Variants in ATRN observed in about 807,000 individuals in gnomAD.
ATRN encodes attractin-2.
Under a neutral mutation model 178.7 loss-of-function variants are expected in ATRN, and 54 were observed. The observed-to-expected ratio is 0.30, with a 90% CI of 0.24 to 0.38. The LOEUF (loss-of-function observed/expected upper bound fraction) is 0.38. Among genes scored for constraint, ATRN ranks in the 10% least tolerant of loss-of-function variants. The probability of loss-of-function intolerance (pLI) is 1.00; values close to 1 mark genes in which losing one functional copy is unlikely to be tolerated. For missense variants in ATRN, 1,443 were observed against 1,815.1 expected, an observed-to-expected ratio of 0.79 and a Z score of 3.73; for synonymous variants, 636 against 663.0, an observed-to-expected ratio of 0.96 and a Z score of 0.63.
At chr20:3,573,905 T>A (rs1374251391) in intron 12 of ATRN, among the ~76,000 whole-genome samples, 2 of 151,924 alleles carry the variant, frequency 1.3e-5, no homozygotes, top group Non-Finnish European at 2.9e-5. Flanking sequence ...GCTCGGCTAG[T>A]TTTTGTATTT....
At chr20:3,549,385 G>A in intron 6 of ATRN, 47 bp downstream of exon 6, 1 of 1,434,444 alleles carries the variant, frequency 7.0e-7, no homozygotes. Flanking sequence ...TTTTTATTTT[G>A]AAAATTTATA....
chr20:3,524,562 G>A (rs1196122247), intron 1 of ATRN, among the ~76,000 whole-genome samples: 1 of 152,062 alleles, frequency 6.6e-6, no homozygotes, highest in Non-Finnish European at 1.5e-5. Flanking sequence ...GGACCAACAG[G>A]ACCTAATAGA....
intron 1 of ATRN, among the ~76,000 whole-genome samples, chr20:3,509,972 G>A (rs2085102656): frequency 6.6e-6 from 1 of 152,118 alleles, no homozygotes. Context: ...ACAGATATGT[G>A]TGTGTATACA....
chr20:3,565,796 C>CAAAAAAAA (rs10582104), intron 11 of ATRN, among the ~76,000 whole-genome samples: 1 of 100,238 alleles, frequency 1.0e-5, no homozygotes, highest in Non-Finnish European at 2.0e-5. Flanking sequence ...GACTCTGTCT[C>CAAAAAAAA]AAAAAAAAAA....
At chr20:3,481,791 CTTTTTTTTTTT>C (rs780144563) in intron 1 of ATRN, among the ~76,000 whole-genome samples, 3 of 100,496 alleles carry the variant, frequency 3.0e-5, no homozygotes, top group African/African-American at 7.8e-5. Flanking sequence ...GGTGAATTTC[CTTTTTTTTTTT>C]TTTTTTTTTT....
At chr20:3,637,757 G>A (rs1260772823) in intron 26 of ATRN, among the ~76,000 whole-genome samples, 4 of 152,162 alleles carry the variant, frequency 2.6e-5, no homozygotes, top group African/African-American at 2.4e-5. Flanking sequence ...GGGAGGACAC[G>A]GATGCCCAGA....
At chr20:3,641,340 G>A (rs965295928) in intron 27 of ATRN, among the ~76,000 whole-genome samples, 15 of 151,896 alleles carry the variant, frequency 9.9e-5, no homozygotes, top group African/African-American at 9.7e-5. Context: ...CCTGTAATCC[G>A]AGCACTTTGG....
chr20:3,594,724 A>G (rs17782777), intron 20 of ATRN, 152 bp downstream of exon 20: 22,900 of 541,504 alleles, frequency 0.042, 657 homozygotes, highest in Non-Finnish European at 0.052. Context: ...TGCCCATTCT[A>G]TTTCAGACAG....
chr20:3,639,394 C>T (rs1466802306), intron 27 of ATRN, among the ~76,000 whole-genome samples: 2 of 151,708 alleles, frequency 1.3e-5, no homozygotes, highest in African/African-American at 4.8e-5. Context: ...CTGGGATTAC[C>T]GATGTGCGCA....
chr20:3,586,296 CT>C (rs1251172528), intron 18 of ATRN, among the ~76,000 whole-genome samples: 1 of 152,146 alleles, frequency 6.6e-6, no homozygotes, highest in East Asian at 1.9e-4. Flanking sequence ...ATGGATTACC[CT>C]AAAAAAACAT....
rs2146046715 is a variant in ATRN, at chr20:3,471,535, T to C, written c.410+18T>C. Reference sequence around the variant, plus strand: ...CGCTTCAGGTGAGTGGCGGGTGGTGTCGGAGGGTCGGGTCCAACCAGAGGC... The same window carrying C: ...CGCTTCAGGTGAGTGGCGGGTGGTGCCGGAGGGTCGGGTCCAACCAGAGGC... On this transcript the variant is annotated intron_variant, in intron 1 of 28. Transcript: ENST00000262919. 7.3e-7 allele frequency: 1 copy of C among 1,378,390 alleles called. No homozygotes were observed. The highest frequency in any genetic ancestry group is 9.3e-7 in the Non-Finnish European group (1 of 1,073,586). 85.4% of individuals were successfully genotyped at this position (1,378,390 alleles called of 1,614,324 possible).
rs1600041982 is a variant in ATRN, at chr20:3,501,742, T to G, written c.410+30225T>G. On this transcript the variant is annotated intron_variant, in intron 1 of 28. Coordinates refer to ENST00000262919, the MANE Select transcript of ATRN (RefSeq NM_139321.3). ...GGTACAGCTTTTCCCTTGGGGGGACTGGCCGATTTGAGATGTGCGGCTAAG... is the reference window on the plus strand; with the variant it reads ...GGTACAGCTTTTCCCTTGGGGGGACGGGCCGATTTGAGATGTGCGGCTAAG... Among the ~76,000 whole-genome samples, 3 of 152,310 alleles carry G rather than the reference T, an allele frequency of 2.0e-5. No individual in the cohort carries two copies. In the South Asian group the frequency reaches 6.2e-4, roughly 32 times the overall value.
At chr20:3,520,564 G>T (rs1247538160) in intron 1 of ATRN, among the ~76,000 whole-genome samples, 1 of 152,036 alleles carries the variant, frequency 6.6e-6, no homozygotes, top group East Asian at 1.9e-4. Context: ...GTGGGATCTT[G>T]GCTCAGTGTT....
intron 25 of ATRN, 54 bp downstream of exon 25, chr20:3,624,626 A>T: frequency 7.4e-7 from 1 of 1,342,942 alleles, no homozygotes; most frequent in Non-Finnish European, 1.1e-6. Context: ...CACTAGATCC[A>T]TTAATAGAGT....
intron 1 of ATRN, among the ~76,000 whole-genome samples, chr20:3,478,455 C>G (rs147717657): frequency 1.4e-3 from 217 of 152,170 alleles, no homozygotes; most frequent in African/African-American, 4.3e-3. Flanking sequence ...CAAACTAACA[C>G]AGGAACAGAA....
intron 1 of ATRN, chr20:3,490,396 T>G (rs777782752): frequency 3.1e-6 from 3 of 969,208 alleles, no homozygotes; most frequent in Non-Finnish European, 3.4e-6. Context: ...CCCAAAAAGT[T>G]CATTCTGATC....
At chr20:3,599,899 T>G (rs1457930691) in intron 22 of ATRN, among the ~76,000 whole-genome samples, 2 of 152,230 alleles carry the variant, frequency 1.3e-5, no homozygotes, top group Non-Finnish European at 2.9e-5. Flanking sequence ...GAGAAACTTC[T>G]GGTTTAATGA....
chr20:3,537,839 A>G (rs1371366951), intron 2 of ATRN, among the ~76,000 whole-genome samples: 4 of 150,928 alleles, frequency 2.7e-5, no homozygotes, highest in Non-Finnish European at 4.4e-5. Context: ...AAGGACATGA[A>G]CTCATCCTTT....
intron 11 of ATRN, 43 bp downstream of exon 11, chr20:3,565,475 T>C (rs765862938): frequency 6.4e-7 from 1 of 1,562,762 alleles, no homozygotes; most frequent in South Asian, 1.1e-5. Flanking sequence ...GTGTTTAAAA[T>C]GAAAATAAAG....
Sources: gnomAD v4.1 joint callset for allele counts (sites outside exome capture counted in the v4.1 genomes callset) on GRCh38, gnomAD v4.1.1 for gene constraint, MANE v1.5 for transcripts, NCBI Gene and HGNC (gene_info 2026-07-23, HGNC 2026-07-21) for gene names.